The following CDH8 variants were observed in gnomAD, a reference collection of about 807,000 sequenced individuals.
The protein encoded by CDH8 is cadherin-8.
Under a neutral mutation model 68.1 loss-of-function variants are expected in CDH8, and 17 were observed. The observed-to-expected ratio is 0.25, with a 90% CI of 0.17 to 0.37. CDH8 has a LOEUF of 0.37. CDH8 is among the 10% of genes least tolerant of loss of function. CDH8 has a pLI of 1.00. For synonymous variants in CDH8, 372 were observed against 365.1 expected (o/e 1.02, Z -0.21); for missense variants, 763 against 999.3 (o/e 0.76, Z 3.19).
At chr16:61,710,552 T>C (rs1964612153) in intron 10 of CDH8, among the ~76,000 whole-genome samples, 1 of 152,110 alleles carries the variant, frequency 6.6e-6, no homozygotes, top group Non-Finnish European at 1.5e-5. Flanking sequence ...ACTATGGTTC[T>C]CCTGCTGGGT....
chr16:61,753,028 C>T (rs910598729), intron 8 of CDH8, among the ~76,000 whole-genome samples: 13 of 152,152 alleles, frequency 8.5e-5, no homozygotes, highest in Admixed American at 4.6e-4. Flanking sequence ...ACCACAAAAA[C>T]ATATGATGGA....
chr16:61,661,328 G>A (rs755866359), intron 10 of CDH8, among the ~76,000 whole-genome samples: 4 of 151,802 alleles, frequency 2.6e-5, no homozygotes, highest in Non-Finnish European at 4.4e-5. Flanking sequence ...AGTCTGCACT[G>A]TGAACTATAT....
intron 2 of CDH8, among the ~76,000 whole-genome samples, chr16:62,013,261 CA>C (rs1165564723): frequency 6.3e-3 from 40 of 6,398 alleles, no homozygotes; most frequent in Admixed American, 8.8e-3. Flanking sequence ...GACTCCGTCT[CA>C]AAAAAAAAAA....
At chr16:62,028,054 CA>C (rs1210667383) in intron 1 of CDH8, among the ~76,000 whole-genome samples, 2 of 148,160 alleles carry the variant, frequency 1.3e-5, no homozygotes, top group Non-Finnish European at 3.0e-5. Context: ...TAATATCTGT[CA>C]AATCCATTTT....
chr16:61,913,279 A>G (rs1964188715), intron 2 of CDH8, among the ~76,000 whole-genome samples: 1 of 152,192 alleles, frequency 6.6e-6, no homozygotes, highest in Non-Finnish European at 1.5e-5. Context: ...CAGATTTTCT[A>G]CTGGTGGAAT....
In CDH8 at chr16:61,648,937, G is replaced by C. The variant is rs942697861; in HGVS notation, c.*4671C>G. 6.6e-6 allele frequency: 1 copy of C among 151,842 alleles called. No individual in the cohort carries two copies. Among genetic ancestry groups the C allele is most frequent in the African/African-American group, 2.4e-5 (1 of 41,378 alleles). 9.4% of individuals were successfully genotyped at this position (151,842 alleles called of 1,614,324 possible). A position where few individuals can be genotyped will look rare whatever the true frequency, so the allele number is the denominator to read the frequency against. ...GACTAAAACTACAATGACAATAAATGTATTTTTAAATGATAGATCATAAAG... is the reference window on the plus strand; with the variant it reads ...GACTAAAACTACAATGACAATAAATCTATTTTTAAATGATAGATCATAAAG... On this transcript the variant is annotated 3_prime_UTR_variant, in exon 12 of 12. Transcript: ENST00000577390.
At chr16:61,951,923 T>G (rs1964905049) in intron 2 of CDH8, among the ~76,000 whole-genome samples, 1 of 152,196 alleles carries the variant, frequency 6.6e-6, no homozygotes, top group South Asian at 2.1e-4. Flanking sequence ...TCACAAGAAT[T>G]TGTCAACTTT....
chr16:61,792,827 G>T (rs937863069), intron 7 of CDH8, among the ~76,000 whole-genome samples: 2 of 151,942 alleles, frequency 1.3e-5, no homozygotes, highest in Admixed American at 6.6e-5. Context: ...CAACATGTGT[G>T]TGCTGACCGC....
intron 2 of CDH8, among the ~76,000 whole-genome samples, chr16:61,981,695 T>C (rs1007909661): frequency 6.8e-5 from 10 of 146,412 alleles, no homozygotes; most frequent in African/African-American, 2.1e-4. Flanking sequence ...CGCGCGCGCG[T>C]GCGCTTGGGG....
chr16:61,752,991 A>C (rs1960208579), intron 8 of CDH8, among the ~76,000 whole-genome samples: 1 of 152,214 alleles, frequency 6.6e-6, no homozygotes, highest in South Asian at 2.1e-4. Context: ...GGAAGTGCAG[A>C]GATACGACAA....
chr16:61,669,967 C>G (rs1411494908), intron 10 of CDH8, among the ~76,000 whole-genome samples: 4 of 152,040 alleles, frequency 2.6e-5, no homozygotes, highest in Non-Finnish European at 5.9e-5. Flanking sequence ...AAACTTCAGC[C>G]TTATGACTCT....
chr16:61,768,400 C>CTCTT (rs1960685661), intron 8 of CDH8, among the ~76,000 whole-genome samples: 1 of 120,572 alleles, frequency 8.3e-6, no homozygotes, highest in Admixed American at 8.4e-5. Flanking sequence ...CTCTCCCTTT[C>CTCTT]TCTCTCTCTC....
intron 8 of CDH8, among the ~76,000 whole-genome samples, chr16:61,744,485 G>T (rs1959962613): frequency 6.6e-6 from 1 of 151,904 alleles, no homozygotes; most frequent in African/African-American, 2.4e-5. Context: ...CTTTATCTGT[G>T]ATAAGAGACA....
chr16:61,866,779 T>TA (rs1007650366), intron 3 of CDH8, among the ~76,000 whole-genome samples: 12 of 152,162 alleles, frequency 7.9e-5, no homozygotes, highest in African/African-American at 1.7e-4. Flanking sequence ...TGAGGCTCCA[T>TA]AAAAATAACA....
intron 2 of CDH8, among the ~76,000 whole-genome samples, chr16:61,987,025 C>T (rs1021181828): frequency 1.3e-5 from 2 of 152,210 alleles, no homozygotes; most frequent in African/African-American, 4.8e-5. Flanking sequence ...ACATCTCCCT[C>T]TCCCAACTTC....
intron 10 of CDH8, among the ~76,000 whole-genome samples, chr16:61,670,947 C>A (rs1963779293): frequency 1.3e-5 from 2 of 152,092 alleles, no homozygotes; most frequent in Non-Finnish European, 2.9e-5. Context: ...ATATTTTCCA[C>A]TTAATATTAT....
intron 8 of CDH8, among the ~76,000 whole-genome samples, chr16:61,758,890 T>G (rs1960390759): frequency 6.6e-6 from 1 of 152,150 alleles, no homozygotes; most frequent in African/African-American, 2.4e-5. Flanking sequence ...CTGAGGAGCT[T>G]AATCCATTTA....
chr16:61,686,210 T>G (rs890491838), intron 10 of CDH8, among the ~76,000 whole-genome samples: 3 of 151,946 alleles, frequency 2.0e-5, no homozygotes, highest in African/African-American at 7.2e-5. Flanking sequence ...TTTAGAAAAA[T>G]TATTCAAATA....
intron 4 of CDH8, among the ~76,000 whole-genome samples, chr16:61,842,727 G>C (rs77238327): frequency 0.025 from 3,741 of 152,258 alleles, 70 homozygotes; most frequent in Non-Finnish European, 0.039. Context: ...ATACTCAAGA[G>C]CCAGAGCAGT....
Sources: allele counts gnomAD v4.1 joint callset (sites outside exome capture counted in the v4.1 genomes callset), GRCh38; gene constraint gnomAD v4.1.1; transcripts MANE v1.5; gene names NCBI Gene and HGNC (gene_info 2026-07-23, HGNC 2026-07-21).